Variants in RBMS3 observed in about 807,000 individuals in gnomAD.
The protein encoded by RBMS3 is RNA-binding motif, single-stranded-interacting protein 3.
A neutral mutation model predicts 66.8 loss-of-function variants in RBMS3; 27 were observed. That is an observed-to-expected ratio of 0.40 (90% confidence interval 0.30 to 0.56). The LOEUF is 0.56. Ranked by LOEUF, RBMS3 falls within the 20% of genes least tolerant of loss-of-function variation. RBMS3 has a pLI of 0.40. For synonymous variants in RBMS3, 188 were observed against 183.0 expected, an observed-to-expected ratio of 1.03 and a Z score of -0.22; for missense variants, 513 against 549.5, an observed-to-expected ratio of 0.93 and a Z score of 0.66.
At chr3:29,981,225 C>G (rs1040284197) in intron 12 of RBMS3, among the ~76,000 whole-genome samples, 2 of 152,092 alleles carry the variant, frequency 1.3e-5, no homozygotes, top group African/African-American at 4.8e-5. Flanking sequence ...CATGATTTGG[C>G]TCTCTGTCTA....
chr3:29,847,218 G>C (rs578246164), intron 6 of RBMS3, among the ~76,000 whole-genome samples: 1 of 152,302 alleles, frequency 6.6e-6, no homozygotes, highest in Non-Finnish European at 1.5e-5. Flanking sequence ...TATTGAGCAA[G>C]AGGTCTTCTT....
chr3:29,328,918 T>C (rs1306387433), intron 1 of RBMS3, among the ~76,000 whole-genome samples: 1 of 152,176 alleles, frequency 6.6e-6, no homozygotes, highest in Non-Finnish European at 1.5e-5. Flanking sequence ...ACTGAGTAAA[T>C]ATTTTTGAAA....
At chr3:29,359,080 T>G (rs1409979227) in intron 1 of RBMS3, among the ~76,000 whole-genome samples, 2 of 152,200 alleles carry the variant, frequency 1.3e-5, no homozygotes, top group Non-Finnish European at 2.9e-5. Context: ...CTTCCAACAC[T>G]ATGTTGAATA....
At chr3:29,517,450 G>A (rs1461342363) in intron 3 of RBMS3, among the ~76,000 whole-genome samples, 2 of 151,780 alleles carry the variant, frequency 1.3e-5, no homozygotes, top group Non-Finnish European at 2.9e-5. Flanking sequence ...AGCCTTCCTA[G>A]TATTCAGGAC....
intron 5 of RBMS3, among the ~76,000 whole-genome samples, chr3:29,746,587 C>T (rs2054904523): frequency 1.3e-5 from 2 of 152,160 alleles, no homozygotes; most frequent in Non-Finnish European, 2.9e-5. Context: ...TTTTGTGTGT[C>T]TCATCTTGTT....
intron 1 of RBMS3, among the ~76,000 whole-genome samples, chr3:29,362,321 C>T (rs36025554): frequency 0.53 from 81,082 of 151,656 alleles, 22,050 homozygotes; most frequent in East Asian, 0.63. Flanking sequence ...CACTCCAGAC[C>T]CTGTTTGCCT....
chr3:29,616,818 G>T (rs1375615966), intron 4 of RBMS3: 1 of 152,100 alleles, frequency 6.6e-6, no homozygotes, highest in African/African-American at 2.4e-5. Flanking sequence ...TTAATAATTA[G>T]AATCAATTAT....
At chr3:29,946,334 A>C (rs940410702) in intron 12 of RBMS3, among the ~76,000 whole-genome samples, 1 of 151,676 alleles carries the variant, frequency 6.6e-6, no homozygotes, top group Admixed American at 6.6e-5. Flanking sequence ...CAAAACAAAT[A>C]ACTCTTTGCC....
intron 7 of RBMS3, 95 bp downstream of exon 7, chr3:29,869,059 G>T: frequency 2.0e-6 from 2 of 1,011,026 alleles, no homozygotes; most frequent in Non-Finnish European, 1.4e-6. Context: ...ATGAAATTGG[G>T]TCCCATGGAA....
intron 4 of RBMS3, among the ~76,000 whole-genome samples, chr3:29,631,461 C>T (rs1457643): frequency 3.3e-5 from 5 of 151,416 alleles, no homozygotes; most frequent in Admixed American, 6.6e-5. Flanking sequence ...GGAAATAAGG[C>T]GTTCAAATTT....
chr3:29,395,360 A>G (rs7614133), intron 1 of RBMS3, among the ~76,000 whole-genome samples: 121,376 of 152,134 alleles, frequency 0.8, 48,738 homozygotes, highest in East Asian at 0.97. Flanking sequence ...GTAAAACGGC[A>G]TGTAGGGTAT....
At chr3:29,396,176 ATAACT>A (rs1372371735) in intron 1 of RBMS3, among the ~76,000 whole-genome samples, 1 of 152,088 alleles carries the variant, frequency 6.6e-6, no homozygotes, top group Admixed American at 6.6e-5. Flanking sequence ...AGGACATAAC[ATAACT>A]TATGTATGTT....
At chr3:29,645,079 C>G (rs1310284094) in intron 4 of RBMS3, among the ~76,000 whole-genome samples, 1 of 152,072 alleles carries the variant, frequency 6.6e-6, no homozygotes, top group African/African-American at 2.4e-5. Context: ...ATCATTGTCA[C>G]AAATAAAAAG....
At position 29,818,046 on chromosome 3, in the gene RBMS3, A is replaced by C. The variant is rs531877402; in HGVS notation, c.638-50812A>C. Reference sequence around the variant, plus strand: ...CAATGTTTCAGCAATCTTCTAATTTAGATTTACATATACAAAGATATATAA... The same window carrying C: ...CAATGTTTCAGCAATCTTCTAATTTCGATTTACATATACAAAGATATATAA... On this transcript the variant is annotated intron_variant, in intron 6 of 14. Coordinates refer to ENST00000383767, the MANE Select transcript of RBMS3 (RefSeq NM_001003793.3). Among the ~76,000 whole-genome samples the C allele has an allele frequency of 3.3e-5, 5 of 152,296 alleles. No individual in the cohort carries two copies. In the South Asian group the frequency reaches 1.0e-3, roughly 32 times the overall value.
intron 5 of RBMS3, among the ~76,000 whole-genome samples, chr3:29,747,421 G>T (rs1379098817): frequency 2.0e-5 from 3 of 151,328 alleles, no homozygotes; most frequent in Non-Finnish European, 4.4e-5. Context: ...TAGATAGATA[G>T]ATAGATAGAT....
chr3:29,543,856 C>T (rs2045854277), intron 3 of RBMS3, among the ~76,000 whole-genome samples: 1 of 151,956 alleles, frequency 6.6e-6, no homozygotes. Context: ...TCTTGTCTAT[C>T]TTCTAGAATA....
chr3:29,895,694 C>T (rs777712503), intron 8 of RBMS3, among the ~76,000 whole-genome samples: 14 of 151,496 alleles, frequency 9.2e-5, no homozygotes, highest in Non-Finnish European at 1.9e-4. Flanking sequence ...TCTGTATAAA[C>T]ATTTGGATTA....
intron 5 of RBMS3, among the ~76,000 whole-genome samples, chr3:29,749,468 C>T (rs2055076423): frequency 6.6e-6 from 1 of 152,072 alleles, no homozygotes; most frequent in Non-Finnish European, 1.5e-5. Context: ...CATATAGGCT[C>T]CTTTAAGTTG....
At chr3:29,919,269 A>G (rs2060710789) in intron 10 of RBMS3, among the ~76,000 whole-genome samples, 1 of 152,214 alleles carries the variant, frequency 6.6e-6, no homozygotes, top group Non-Finnish European at 1.5e-5. Flanking sequence ...TTGAAAAATA[A>G]TATCAATATT....
Sources: gnomAD v4.1 joint callset for allele counts (sites outside exome capture counted in the v4.1 genomes callset) on GRCh38, gnomAD v4.1.1 for gene constraint, MANE v1.5 for transcripts, NCBI Gene and HGNC (gene_info 2026-07-23, HGNC 2026-07-21) for gene names.